IL1RAPL2: variants seen among roughly 807,000 people sequenced by gnomAD.
IL1RAPL2 encodes the protein interleukin 1 receptor accessory protein like 2, also known as X-linked interleukin-1 receptor accessory protein-like 2.
A neutral mutation model predicts 44.1 loss-of-function variants in IL1RAPL2; 3 were observed. The observed-to-expected ratio is 0.07, with a 90% CI of 0.03 to 0.18. The LOEUF (loss-of-function observed/expected upper bound fraction) is 0.18, where lower values mean the gene tolerates loss of function less well. IL1RAPL2 is among the 10% of genes least tolerant of loss of function. IL1RAPL2 has a pLI of 1.00. For missense variants in IL1RAPL2, 391 were observed against 496.4 expected (o/e 0.79, Z 2.02); for synonymous variants, 181 against 178.8 (o/e 1.01, Z -0.10).
At chrX:105,220,709 A>G (rs1478371011) in intron 3 of IL1RAPL2, 4 of 232,701 alleles carry the variant, frequency 1.7e-5, no homozygotes, top group Non-Finnish European at 3.1e-5. Context: ...ACTCAGGGCC[A>G]ACGTCGGCTT....
chrX:105,739,401 GGTTA>G (rs1006220151), intron 7 of IL1RAPL2, among the ~76,000 whole-genome samples: 5 of 108,413 alleles, frequency 4.6e-5, no homozygotes, highest in Non-Finnish European at 7.7e-5. Flanking sequence ...ACATTGTGCA[GGTTA>G]GTTATATATG....
At chrX:104,746,951 TAC>T (rs966498016) in intron 2 of IL1RAPL2, among the ~76,000 whole-genome samples, 1 of 111,578 alleles carries the variant, frequency 9.0e-6, no homozygotes, top group African/African-American at 3.3e-5. Flanking sequence ...AGCTCAGAAA[TAC>T]AGTTTTCCAG....
At chrX:104,841,125 C>T (rs1187116809) in intron 2 of IL1RAPL2, among the ~76,000 whole-genome samples, 1 of 111,901 alleles carries the variant, frequency 8.9e-6, no homozygotes, top group East Asian at 2.8e-4. Flanking sequence ...TGCATTGATG[C>T]CTTTACAATT....
intron 2 of IL1RAPL2, among the ~76,000 whole-genome samples, chrX:104,710,229 TG>T (rs1363530406): frequency 9.0e-6 from 1 of 111,373 alleles, no homozygotes; most frequent in African/African-American, 3.2e-5. Flanking sequence ...AAGGTGCAAA[TG>T]GGCCAAAAGT....
At chrX:105,028,225 C>T (rs2031411013) in intron 2 of IL1RAPL2, among the ~76,000 whole-genome samples, 1 of 110,087 alleles carries the variant, frequency 9.1e-6, no homozygotes, top group South Asian at 3.8e-4. Context: ...TTAATGGGTA[C>T]AAAAAATAGT....
chrX:105,078,758 C>A (rs1184417011), intron 2 of IL1RAPL2, among the ~76,000 whole-genome samples: 2 of 112,396 alleles, frequency 1.8e-5, no homozygotes, highest in Non-Finnish European at 3.8e-5. Flanking sequence ...AGCCTCGCTG[C>A]CACCTTGCAG....
chrX:105,678,794 G>A (rs778369103), intron 6 of IL1RAPL2, among the ~76,000 whole-genome samples: 1 of 111,523 alleles, frequency 9.0e-6, no homozygotes, highest in Non-Finnish European at 1.9e-5. Context: ...GGTCTTATCA[G>A]AGAGCAACAA....
intron 5 of IL1RAPL2, among the ~76,000 whole-genome samples, chrX:105,288,883 A>G (rs1480731978): frequency 9.0e-6 from 1 of 110,799 alleles, no homozygotes; most frequent in Non-Finnish European, 1.9e-5. Context: ...CCTTAATGCT[A>G]TAAAGAAAAT....
At chrX:105,494,887 G>A (rs1348297876) in intron 6 of IL1RAPL2, among the ~76,000 whole-genome samples, 1 of 111,792 alleles carries the variant, frequency 8.9e-6, no homozygotes, top group Non-Finnish European at 1.9e-5. Context: ...GGAGATCTGG[G>A]AAAAAATACT....
At chrX:105,018,195 A>G (rs771009268) in intron 2 of IL1RAPL2, among the ~76,000 whole-genome samples, 1 of 111,855 alleles carries the variant, frequency 8.9e-6, no homozygotes, top group Non-Finnish European at 1.9e-5. Context: ...ATACTTTTAA[A>G]TGTGCCAGCT....
chrX:104,785,983 G>A (rs1259510946), intron 2 of IL1RAPL2, among the ~76,000 whole-genome samples: 1 of 111,974 alleles, frequency 8.9e-6, no homozygotes, highest in African/African-American at 3.2e-5. Flanking sequence ...AGGAATAGAG[G>A]GCATTCACTT....
intron 2 of IL1RAPL2, among the ~76,000 whole-genome samples, chrX:105,031,218 A>G (rs1386962996): frequency 8.3e-5 from 9 of 108,669 alleles, no homozygotes; most frequent in Non-Finnish European, 1.7e-4. Flanking sequence ...CTCTTTTCCT[A>G]ATTGAATACC....
intron 4 of IL1RAPL2, among the ~76,000 whole-genome samples, chrX:105,240,965 G>C (rs1478962746): frequency 2.7e-5 from 3 of 111,506 alleles, no homozygotes; most frequent in South Asian, 3.8e-4. Context: ...AACACAAGGG[G>C]AGGGTGGGGA....
intron 2 of IL1RAPL2, among the ~76,000 whole-genome samples, chrX:105,128,210 C>T (rs1375631666): frequency 9.1e-6 from 1 of 110,406 alleles, no homozygotes; most frequent in Non-Finnish European, 1.9e-5. Flanking sequence ...AATATCTCCT[C>T]TTTGCCTTAA....
intron 7 of IL1RAPL2, among the ~76,000 whole-genome samples, chrX:105,727,091 C>A (rs749364361): frequency 9.0e-6 from 1 of 111,152 alleles, no homozygotes; most frequent in East Asian, 2.9e-4. Flanking sequence ...CATTCCTGGA[C>A]AATGATTACT....
chrX:105,204,815 C>G (rs147286829), intron 3 of IL1RAPL2, among the ~76,000 whole-genome samples: 14 of 111,737 alleles, frequency 1.3e-4, no homozygotes, highest in African/African-American at 3.6e-4. Context: ...AGTTTGCAAA[C>G]TCTGAACTAT....
Position 104,762,875 on chromosome X carries a change from C to T in IL1RAPL2, c.82+103880C>T, listed in dbSNP as rs764549294. 1.9e-4 allele frequency among the ~76,000 whole-genome samples: 21 copies of T among 111,972 alleles called. No individual in the cohort carries two copies. The South Asian group carries it at 4.6e-3, about 25-fold the overall frequency. Reference sequence around the variant, plus strand: ...AGGCCCTGGGCCTAGCCCAGGAAACCATTTTTTCCTCCTAGGCCTCTGGGC... The same window carrying T: ...AGGCCCTGGGCCTAGCCCAGGAAACTATTTTTTCCTCCTAGGCCTCTGGGC... On this transcript the variant is annotated intron_variant, in intron 2 of 10. Coordinates refer to ENST00000372582, the MANE Select transcript of IL1RAPL2 (RefSeq NM_017416.2).
chrX:105,216,229 A>T (rs1214239783), intron 3 of IL1RAPL2, among the ~76,000 whole-genome samples: 1 of 111,202 alleles, frequency 9.0e-6, no homozygotes, highest in African/African-American at 3.3e-5. Context: ...TCAGCCCAAA[A>T]ACCCCTTAAG....
intron 2 of IL1RAPL2, among the ~76,000 whole-genome samples, chrX:104,729,447 C>CTTTTT (rs5903245): frequency 1.7e-3 from 77 of 46,453 alleles, no homozygotes; most frequent in Non-Finnish European, 1.8e-3. Flanking sequence ...GGCCTGCTGC[C>CTTTTT]TTTTTTTTTT....
Sources: allele counts gnomAD v4.1 joint callset (sites outside exome capture counted in the v4.1 genomes callset), GRCh38; gene constraint gnomAD v4.1.1; transcripts MANE v1.5; gene names NCBI Gene and HGNC (gene_info 2026-07-23, HGNC 2026-07-21).